TPO: variants seen among roughly 807,000 people sequenced by gnomAD.
TPO encodes thyroid peroxidase, also known as thyroid microsomal antigen.
TPO carries 78 observed loss-of-function variants against 96.9 expected under a neutral mutation model. The observed-to-expected ratio is 0.81, with a 90% CI of 0.67 to 0.97. TPO has a LOEUF of 0.97. TPO is among the 50% of genes least tolerant of loss of function. The pLI, the probability that TPO is intolerant of heterozygous loss-of-function variation, is 0.00. For missense variants in TPO, 1,252 were observed against 1,274.8 expected (o/e 0.98, Z 0.27); for synonymous variants, 547 against 538.0 (o/e 1.02, Z -0.23).
chr2:1,522,456 C>T (rs531165941), intron 15 of TPO, among the ~76,000 whole-genome samples: 28 of 150,738 alleles, frequency 1.9e-4, no homozygotes, highest in Admixed American at 1.2e-3. Context: ...TGCCTGCCAC[C>T]GTGCCCTCAC....
At chr2:1,430,863 C>T (rs1558275717) in intron 3 of TPO, among the ~76,000 whole-genome samples, 2 of 152,260 alleles carry the variant, frequency 1.3e-5, no homozygotes, top group South Asian at 4.2e-4. Flanking sequence ...ATGCTGGTGC[C>T]CCCATTGTAT....
At chr2:1,525,303 T>A (rs1676180181) in intron 15 of TPO, among the ~76,000 whole-genome samples, 1 of 103,800 alleles carries the variant, frequency 9.6e-6, no homozygotes, top group African/African-American at 4.0e-5. Context: ...CCTCCTCAAA[T>A]CCCCCCCACT....
intron 15 of TPO, among the ~76,000 whole-genome samples, chr2:1,524,215 A>ATCCTGTGTGCAACCTCCTCAAATCC (rs1675879035): frequency 2.7e-5 from 1 of 37,634 alleles, no homozygotes; most frequent in African/African-American, 1.1e-4. Flanking sequence ...CCTCAAATCC[A>ATCCTGTGTGCAACCTCCTCAAATCC]CCCCACTGTG....
chr2:1,462,652 T>C (rs1668556268), intron 7 of TPO, among the ~76,000 whole-genome samples: 1 of 152,180 alleles, frequency 6.6e-6, no homozygotes, highest in Non-Finnish European at 1.5e-5. Flanking sequence ...AGAAATCATT[T>C]GCATCCATGC....
intron 8 of TPO, among the ~76,000 whole-genome samples, chr2:1,480,700 C>T (rs1670484819): frequency 6.6e-6 from 1 of 150,752 alleles, no homozygotes; most frequent in Non-Finnish European, 1.5e-5. Context: ...CATCTGTCCA[C>T]ACCACCTCCC....
At chr2:1,374,842 T>C (rs1661697201) in intron 1 of TPO, among the ~76,000 whole-genome samples, 1 of 151,308 alleles carries the variant, frequency 6.6e-6, no homozygotes, top group Non-Finnish European at 1.5e-5. Context: ...TTCTCCTGCC[T>C]CAACCTCCCA....
At chr2:1,497,211 G>A (rs930385385) in intron 13 of TPO, among the ~76,000 whole-genome samples, 1 of 152,180 alleles carries the variant, frequency 6.6e-6, no homozygotes, top group Non-Finnish European at 1.5e-5. Context: ...TCCACTCCCA[G>A]CCTCCCGCAT....
At chr2:1,387,875 C>G (rs1050340419) in intron 1 of TPO, among the ~76,000 whole-genome samples, 6 of 152,166 alleles carry the variant, frequency 3.9e-5, no homozygotes, top group African/African-American at 9.7e-5. Flanking sequence ...TGGTGACATA[C>G]AGATGGGGTT....
intron 5 of TPO, among the ~76,000 whole-genome samples, chr2:1,449,399 T>C (rs1488566723): frequency 6.6e-6 from 1 of 152,234 alleles, no homozygotes; most frequent in Non-Finnish European, 1.5e-5. Flanking sequence ...CACTTTGTTT[T>C]TCATTTGCAT....
intron 1 of TPO, among the ~76,000 whole-genome samples, chr2:1,377,733 G>A (rs1045519399): frequency 1.3e-5 from 2 of 152,126 alleles, no homozygotes; most frequent in African/African-American, 4.8e-5. Context: ...GCAGGCCAGC[G>A]GCTGGCAGGG....
At position 1,453,843 on chromosome 2, in the gene TPO, C is replaced by G; in HGVS notation, c.612+20C>G. The G allele has an allele frequency of 1.2e-6, 2 of 1,613,534 alleles. No homozygotes were observed. Among genetic ancestry groups the G allele is most frequent in the Non-Finnish European group, 1.7e-6 (2 of 1,180,032 alleles). Reference sequence around the variant, plus strand: ...CCCCCGGTGGGTACTCAGAACGCTACTATCCTGGACTAAGATTGGGTCCTG... The same window carrying G: ...CCCCCGGTGGGTACTCAGAACGCTAGTATCCTGGACTAAGATTGGGTCCTG... On this transcript the variant is annotated intron_variant, in intron 6 of 16. Coordinates refer to ENST00000329066, the MANE Select transcript of TPO (RefSeq NM_001206744.2).
chr2:1,462,543 G>A (rs1445758270), intron 7 of TPO, among the ~76,000 whole-genome samples: 1 of 128,156 alleles, frequency 7.8e-6, no homozygotes, highest in African/African-American at 3.4e-5. Context: ...CACACACACA[G>A]ATATCAATGA....
chr2:1,389,248 G>A (rs1367124891), intron 1 of TPO, among the ~76,000 whole-genome samples: 1 of 152,156 alleles, frequency 6.6e-6, no homozygotes, highest in African/African-American at 2.4e-5. Flanking sequence ...GAGGGTGTCT[G>A]AGGAGCCCAT....
intron 10 of TPO, among the ~76,000 whole-genome samples, chr2:1,491,672 T>C (rs1671779463): frequency 6.6e-6 from 1 of 152,252 alleles, no homozygotes; most frequent in Non-Finnish European, 1.5e-5. Context: ...GTCTGTTTTC[T>C]ATATAAACCA....
intron 15 of TPO, among the ~76,000 whole-genome samples, chr2:1,535,155 C>CTCTGCAAACTCCCCAAAT (rs1679305073): frequency 6.4e-4 from 4 of 6,282 alleles, no homozygotes; most frequent in African/African-American, 9.8e-4. Flanking sequence ...AAATCCCCCC[C>CTCTGCAAACTCCCCAAAT]CCCCCCATTG....
intron 5 of TPO, among the ~76,000 whole-genome samples, chr2:1,443,700 A>G (rs13036125): frequency 6.1e-4 from 48 of 78,714 alleles, no homozygotes; most frequent in African/African-American, 7.9e-4. Flanking sequence ...AAGGGAATGG[A>G]GCTGGCTCCT....
Position 1,487,864 on chromosome 2 carries a change from C to T in TPO, c.1641C>T (p.Ala547=). 6.2e-7 allele frequency: 1 copy of T among 1,614,212 alleles called. No homozygotes were observed. The highest frequency in any genetic ancestry group is 8.5e-7 in the Non-Finnish European group (1 of 1,180,046). ...PLIRGLLARP[A]KLQVQDQLMN... is the part of the protein sequence containing the mutation. ...TACGAGGCCTTCTTGCAAGACCAGC[C>T]AAACTGCAGGTGCAGGATCAGCTGA... The change falls in exon 10 of 17, where the codon GCC becomes GCT. Residue 547 remains alanine, a synonymous_variant. Coordinates refer to ENST00000329066, the MANE Select transcript of TPO (RefSeq NM_001206744.2).
Position 1,453,734 on chromosome 2 carries a change from C to T in TPO, c.523C>T (p.Arg175Ter), listed in dbSNP as rs763459820. 13 of 1,613,848 alleles carry T rather than the reference C, an allele frequency of 8.1e-6. 1 individual carries two copies. Among genetic ancestry groups the T allele is most frequent in the South Asian group, 2.2e-5 (2 of 91,076 alleles). ...RWGASNTALARWLPPVYEDGF... is the reference protein window; with the variant it reads ...RWGASNTALA The stretch of plus-strand genomic sequence containing the variant: ...GGGCGCCTCCAACACGGCCCTGGCA[C>T]GATGGCTCCCTCCAGTCTATGAGGA... Residue 175 changes from arginine (R) to a stop codon, truncating the protein, a stop_gained, in exon 6 of 17, where the codon CGA (arginine) becomes TGA (stop). Coordinates refer to ENST00000329066, the MANE Select transcript of TPO (RefSeq NM_001206744.2). LOFTEE classifies it high-confidence loss of function.
chr2:1,423,157 C>G, intron 3 of TPO, 28 bp downstream of exon 3: 1 of 1,607,272 alleles, frequency 6.2e-7, no homozygotes, highest in East Asian at 2.2e-5. Context: ...GCCGCCGCCC[C>G]AAATGCCACC....
Sources: gnomAD v4.1 joint callset for allele counts (sites outside exome capture counted in the v4.1 genomes callset) on GRCh38, gnomAD v4.1.1 for gene constraint, MANE v1.5 for transcripts, NCBI Gene and HGNC (gene_info 2026-07-23, HGNC 2026-07-21) for gene names.